The following MTRF1 variants were observed in gnomAD, a reference collection of about 807,000 sequenced individuals.
The protein encoded by MTRF1 is mitochondrial translation release factor 1.
Under a neutral mutation model 62.9 loss-of-function variants are expected in MTRF1, and 51 were observed. That is an observed-to-expected ratio of 0.81 (90% CI 0.65 to 1.02). The LOEUF is 1.02. Among genes scored for constraint, MTRF1 ranks in the 50% least tolerant of loss-of-function variants. MTRF1 has a pLI of 0.00. For synonymous variants in MTRF1, 158 were observed against 181.9 expected (o/e 0.87, Z 1.06); for missense variants, 446 against 530.0 (o/e 0.84, Z 1.56).
chr13:41,260,543 T>G lies in MTRF1; in HGVS notation c.365A>C (p.Glu122Ala), dbSNP rs970217729. 1 of 1,614,130 alleles carries G rather than the reference T, an allele frequency of 6.2e-7. No individual in the cohort carries two copies. The highest frequency in any genetic ancestry group is 1.7e-5 in the Admixed American group (1 of 60,010). ...ELAPLAAIYQ[E>A]IQETEQAIEE... ...AATTGCTTGTTCAGTCTCCTGAATT[T>G]CTTGGTAAATGGCTGCAAGAGGTGC... Residue 122 changes from glutamate to alanine, a missense_variant, in exon 2 of 10, where the codon GAA (glutamate) becomes GCA (alanine). By Grantham distance (107) the Glu-to-Ala change is moderately radical. Coordinates refer to ENST00000379480, the MANE Select transcript of MTRF1 (RefSeq NM_004294.4).
chr13:41,287,732 C>A, the MTRF1 span: 1 of 183,102 alleles, frequency 5.5e-6, no homozygotes. Context: ...GAATGAGAGG[C>A]TCAGACATTT....
intron 9 of MTRF1, among the ~76,000 whole-genome samples, chr13:41,218,066 G>A (rs1379702391): frequency 6.6e-6 from 1 of 152,126 alleles, no homozygotes; most frequent in East Asian, 1.9e-4. Context: ...GGAAAATACA[G>A]TAAAATATTA....
chr13:41,306,914 C>G, the MTRF1 span, among the ~76,000 whole-genome samples: 1 of 152,108 alleles, frequency 6.6e-6, no homozygotes, highest in African/African-American at 2.4e-5. Flanking sequence ...TTCACATAAC[C>G]CTGCTGTGAA....
chr13:41,278,218 A>C, the MTRF1 span, among the ~76,000 whole-genome samples: 39 of 152,264 alleles, frequency 2.6e-4, no homozygotes, highest in South Asian at 4.8e-3. Context: ...CATTCCTTTA[A>C]TCTCCTTCTC....
chr13:41,302,404 AGACC>A, the MTRF1 span, among the ~76,000 whole-genome samples: 2 of 86,868 alleles, frequency 2.3e-5, no homozygotes, highest in Admixed American at 2.6e-4. Context: ...AGAGAGAGAG[AGACC>A]TTTGTTCTCA....
chr13:41,305,962 T>C, the MTRF1 span, among the ~76,000 whole-genome samples: 2 of 152,170 alleles, frequency 1.3e-5, no homozygotes, highest in Non-Finnish European at 2.9e-5. Flanking sequence ...CACTAGGATA[T>C]AAACTATGTA....
At chr13:41,250,387 T>C (rs748304489) in intron 5 of MTRF1, among the ~76,000 whole-genome samples, 13 of 152,198 alleles carry the variant, frequency 8.5e-5, no homozygotes, top group Non-Finnish European at 1.8e-4. Flanking sequence ...CTCCCTCACT[T>C]ATTCTCTCAG....
At chr13:41,253,835 C>A (rs905923112) in intron 3 of MTRF1, among the ~76,000 whole-genome samples, 9 of 152,208 alleles carry the variant, frequency 5.9e-5, no homozygotes, top group Non-Finnish European at 1.3e-4. Context: ...TAACCTCCCC[C>A]TTAACTTTTC....
intron 8 of MTRF1, among the ~76,000 whole-genome samples, chr13:41,225,808 TAAAAAAAA>T (rs11368326): frequency 2.8e-4 from 34 of 121,094 alleles, no homozygotes; most frequent in Middle Eastern, 4.2e-3. Flanking sequence ...ACTCTGTCAT[TAAAAAAAA>T]AAAAAAAAAA....
At chr13:41,311,415 C>A in the MTRF1 span, 1 of 990,662 alleles carries the variant, frequency 1.0e-6, no homozygotes, top group Non-Finnish European at 1.5e-6. Flanking sequence ...TGAACTAATC[C>A]ATCGCCCGCA....
upstream of MTRF1, among the ~76,000 whole-genome samples, chr13:41,265,797 G>A (rs2040828086): frequency 6.6e-6 from 1 of 152,120 alleles, no homozygotes; most frequent in Non-Finnish European, 1.5e-5. Flanking sequence ...CTCGCAAGAG[G>A]CTAAGAAACA....
At chr13:41,278,163 T>C in the MTRF1 span, among the ~76,000 whole-genome samples, 1 of 152,234 alleles carries the variant, frequency 6.6e-6, no homozygotes. Flanking sequence ...TCTTTCAAGG[T>C]GTTAATGCAA....
In MTRF1 at chr13:41,216,852, C is replaced by A; in HGVS notation, c.*263G>T. 4.5e-6 allele frequency: 1 copy of A among 221,056 alleles called. No individual in the cohort carries two copies. Among genetic ancestry groups the A allele is most frequent in the Non-Finnish European group, 8.7e-6 (1 of 114,556 alleles). 13.7% of individuals were successfully genotyped at this position (221,056 alleles called of 1,614,324 possible). A position where few individuals can be genotyped will look rare whatever the true frequency, so the allele number is the denominator to read the frequency against. ...AGAACAAGTGACTTGTCCTAAATGA[C>A]ACAATCAATTCTCAATACTTTCTCT... On this transcript the variant is annotated 3_prime_UTR_variant, in exon 10 of 10. Transcript: ENST00000379480.
At chr13:41,283,906 A>C in the MTRF1 span, among the ~76,000 whole-genome samples, 1 of 152,050 alleles carries the variant, frequency 6.6e-6, no homozygotes, top group Non-Finnish European at 1.5e-5. Flanking sequence ...CCCGTTTAGC[A>C]TGTTCAAATA....
chr13:41,249,631 T>C (rs1393158460), intron 5 of MTRF1, among the ~76,000 whole-genome samples: 3 of 123,966 alleles, frequency 2.4e-5, no homozygotes, highest in African/African-American at 6.1e-5. Context: ...TTTTTTTTTT[T>C]TTTTTTTTTT....
At chr13:41,269,198 G>GTTTTTTTTTTTTT in the MTRF1 span, among the ~76,000 whole-genome samples, 1 of 50,556 alleles carries the variant, frequency 2.0e-5, no homozygotes, top group Admixed American at 2.1e-4. Context: ...TTTTTTTTTT[G>GTTTTTTTTTTTTT]GTTTTTTTTT....
intron 1 of MTRF1, among the ~76,000 whole-genome samples, chr13:41,263,068 C>A (rs191448005): frequency 1.3e-5 from 2 of 152,206 alleles, no homozygotes; most frequent in East Asian, 3.9e-4. Flanking sequence ...ACTCCACCAC[C>A]CCCGTATTTC....
chr13:41,251,298 TTCCATCCATCCA>T (rs758325122), intron 5 of MTRF1, among the ~76,000 whole-genome samples: 5 of 152,068 alleles, frequency 3.3e-5, no homozygotes, highest in Non-Finnish European at 5.9e-5. Context: ...AATCTAGCCT[TTCCATCCATCCA>T]TCCATCCATC....
At chr13:41,238,474 T>C (rs998068798) in intron 6 of MTRF1, among the ~76,000 whole-genome samples, 1 of 151,928 alleles carries the variant, frequency 6.6e-6, no homozygotes, top group African/African-American at 2.4e-5. Context: ...AGAATGCAAG[T>C]GTGGGGTAGG....
Sources: allele counts gnomAD v4.1 joint callset (sites outside exome capture counted in the v4.1 genomes callset), GRCh38; gene constraint gnomAD v4.1.1; transcripts MANE v1.5; gene names NCBI Gene and HGNC (gene_info 2026-07-23, HGNC 2026-07-21).